Variants in PEX5L observed in about 807,000 individuals in gnomAD.
The protein encoded by PEX5L is peroxisomal biogenesis factor 5 like.
PEX5L carries 30 observed loss-of-function variants against 84.0 expected under a neutral mutation model. That is an observed-to-expected ratio of 0.36 (90% CI 0.27 to 0.48). PEX5L has a LOEUF of 0.48. PEX5L is among the 20% of genes least tolerant of loss of function. The pLI is 0.99. For missense variants in PEX5L, 533 were observed against 754.6 expected, an observed-to-expected ratio of 0.71 and a Z score of 3.44; for synonymous variants, 270 against 283.1, an observed-to-expected ratio of 0.95 and a Z score of 0.46.
At chr3:179,940,952 T>C (rs979226022) in intron 2 of PEX5L, among the ~76,000 whole-genome samples, 4 of 152,324 alleles carry the variant, frequency 2.6e-5, no homozygotes, top group Middle Eastern at 3.4e-3. Flanking sequence ...AATCATTTAA[T>C]GAGTGCTTAA....
At chr3:179,931,708 T>C (rs1773168776) in intron 2 of PEX5L, among the ~76,000 whole-genome samples, 1 of 152,190 alleles carries the variant, frequency 6.6e-6, no homozygotes, top group East Asian at 1.9e-4. Context: ...GAAAAATTCA[T>C]TGGATACAGC....
chr3:180,036,708 G>C lies in PEX5L; in HGVS notation c.-109C>G, dbSNP rs1579443578. 7.8e-7 allele frequency: 1 copy of C among 1,279,042 alleles called. No homozygotes were observed. The highest frequency in any genetic ancestry group is 1.1e-6 in the Non-Finnish European group (1 of 876,054). The allele number at this position is 1,279,042 out of a possible 1,614,324, so 79.2% of individuals were successfully genotyped here. On this transcript the variant is annotated 5_prime_UTR_variant, in exon 1 of 15. Transcript: ENST00000467460. ...GTGGGTGCACAGCGGGTTCTCAGAGGGTGCTCCTGAGCCCCCTGGAGCTCC... is the reference window on the plus strand; with the variant it reads ...GTGGGTGCACAGCGGGTTCTCAGAGCGTGCTCCTGAGCCCCCTGGAGCTCC...
At chr3:180,028,353 T>C (rs2108351155) in intron 1 of PEX5L, among the ~76,000 whole-genome samples, 1 of 152,322 alleles carries the variant, frequency 6.6e-6, no homozygotes, top group Non-Finnish European at 1.5e-5. Flanking sequence ...GGCACTTTAT[T>C]TCACTTGTAA....
chr3:179,834,780 G>A (rs1734355237), intron 8 of PEX5L, among the ~76,000 whole-genome samples: 2 of 152,128 alleles, frequency 1.3e-5, no homozygotes. Flanking sequence ...AAAAGCTATG[G>A]GACTGTTATG....
chr3:179,830,923 T>A (rs776692703), intron 8 of PEX5L, among the ~76,000 whole-genome samples: 1 of 152,196 alleles, frequency 6.6e-6, no homozygotes, highest in African/African-American at 2.4e-5. Context: ...CTTGCCTGTA[T>A]TAGCAAGATT....
intron 8 of PEX5L, among the ~76,000 whole-genome samples, chr3:179,833,192 G>A (rs975540946): frequency 5.9e-5 from 9 of 152,204 alleles, no homozygotes; most frequent in Non-Finnish European, 1.3e-4. Context: ...GGAGAGGAAA[G>A]GGTGAATCTA....
At chr3:179,943,700 G>A (rs1015052621) in intron 2 of PEX5L, among the ~76,000 whole-genome samples, 2 of 152,178 alleles carry the variant, frequency 1.3e-5, no homozygotes, top group Non-Finnish European at 2.9e-5. Context: ...TGACATCTGT[G>A]GCCCGCTGCT....
At chr3:180,031,313 G>T (rs541181518) in intron 1 of PEX5L, among the ~76,000 whole-genome samples, 1 of 152,100 alleles carries the variant, frequency 6.6e-6, no homozygotes, top group Admixed American at 6.6e-5. Context: ...GTCTCATTTG[G>T]TATCCCTACT....
chr3:179,972,707 T>C (rs1785066520), intron 1 of PEX5L, among the ~76,000 whole-genome samples: 1 of 152,166 alleles, frequency 6.6e-6, no homozygotes, highest in Non-Finnish European at 1.5e-5. Flanking sequence ...TCAGTGAACA[T>C]GATATAAATC....
At chr3:179,806,948 C>A (rs1721537811) in intron 14 of PEX5L, among the ~76,000 whole-genome samples, 1 of 151,982 alleles carries the variant, frequency 6.6e-6, no homozygotes, top group African/African-American at 2.4e-5. Flanking sequence ...ACATTTAGTT[C>A]TTTTTCCAAA....
chr3:179,858,264 G>T (rs1359108898), intron 8 of PEX5L, among the ~76,000 whole-genome samples: 3 of 151,914 alleles, frequency 2.0e-5, no homozygotes, highest in Non-Finnish European at 4.4e-5. Flanking sequence ...TCAGTGAAAA[G>T]CTCCACACTC....
intron 2 of PEX5L, among the ~76,000 whole-genome samples, chr3:179,944,311 C>T (rs187937051): frequency 6.6e-6 from 1 of 152,170 alleles, no homozygotes; most frequent in Non-Finnish European, 1.5e-5. Context: ...GAGACTTTTG[C>T]TCAACAAAAA....
chr3:180,000,543 C>T (rs1788303642), intron 1 of PEX5L, among the ~76,000 whole-genome samples: 1 of 152,116 alleles, frequency 6.6e-6, no homozygotes, highest in Non-Finnish European at 1.5e-5. Context: ...AAAGGGAATA[C>T]AGAATGGGTA....
Position 179,808,397 on chromosome 3 carries a change from C to T in PEX5L, c.1393G>A (p.Ala465Thr). Residue 465 changes from alanine to threonine, a missense_variant, in exon 13 of 15, where the codon GCC becomes ACC. By Grantham distance (58) the Ala-to-Thr change is moderately conservative. Around this residue, in one of 8 missense-constraint regions of PEX5L, gnomAD observed 63 missense variants for 60.2 expected, o/e 1.05. Coordinates refer to ENST00000467460, the MANE Select transcript of PEX5L (RefSeq NM_016559.3). ...TCGATCATATCTCCATTTTGGTGGG[C>T]AGCTTCCAGATATAATTCCTTCACC... ...EGVKELYLEA[A>T]HQNGDMIDPD... 7 of 1,577,922 alleles carry T rather than the reference C, an allele frequency of 4.4e-6. No homozygotes were observed. The highest frequency in any genetic ancestry group is 6.0e-6 in the Non-Finnish European group (7 of 1,164,286).
intron 1 of PEX5L, among the ~76,000 whole-genome samples, chr3:180,028,380 G>A (rs1188791610): frequency 1.3e-5 from 2 of 152,232 alleles, no homozygotes; most frequent in Admixed American, 1.3e-4. Context: ...CTTACAGGCC[G>A]TATTTTCTTC....
intron 14 of PEX5L, among the ~76,000 whole-genome samples, chr3:179,802,919 G>T (rs555502471): frequency 3.9e-5 from 6 of 152,100 alleles, no homozygotes; most frequent in African/African-American, 1.4e-4. Context: ...ATAATCAAAG[G>T]CATTTAAAAA....
intron 8 of PEX5L, among the ~76,000 whole-genome samples, chr3:179,844,417 GTGTCTATTCA>G (rs1490610159): frequency 6.6e-6 from 1 of 152,162 alleles, no homozygotes; most frequent in Non-Finnish European, 1.5e-5. Flanking sequence ...TTATAATTCA[GTGTCTATTCA>G]TGATAGGTGG....
At chr3:179,992,842 G>T (rs1787502180) in intron 1 of PEX5L, among the ~76,000 whole-genome samples, 1 of 152,020 alleles carries the variant, frequency 6.6e-6, no homozygotes, top group Admixed American at 6.6e-5. Context: ...TAAAGTATTT[G>T]ATTTTTGACC....
intron 2 of PEX5L, among the ~76,000 whole-genome samples, chr3:179,921,253 C>T (rs888288256): frequency 5.9e-5 from 9 of 152,010 alleles, no homozygotes; most frequent in African/African-American, 1.9e-4. Context: ...TGGAAAGACA[C>T]AGTAAGCCAA....
Sources: gnomAD v4.1 joint callset for allele counts (sites outside exome capture counted in the v4.1 genomes callset) on GRCh38, gnomAD v4.1.1 for gene constraint, gnomAD v4.1.1 regional missense constraint, MANE v1.5 for transcripts, NCBI Gene and HGNC (gene_info 2026-07-23, HGNC 2026-07-21) for gene names.